SYNE1: variants seen among roughly 807,000 people sequenced by gnomAD.
SYNE1 encodes the protein spectrin repeat containing nuclear envelope protein 1, also known as nesprin-1.
SYNE1 carries 616 observed loss-of-function variants against 1,111.0 expected under a neutral mutation model. That is an observed-to-expected ratio of 0.55 (90% CI 0.52 to 0.59). The LOEUF is 0.59. Among genes scored for constraint, SYNE1 ranks in the 20% least tolerant of loss-of-function variants. The probability of loss-of-function intolerance (pLI) is 0.00; values close to 1 mark genes in which losing one functional copy is unlikely to be tolerated. For missense variants in SYNE1, 10,006 were observed against 10,417.0 expected (o/e 0.96, Z 1.72); for synonymous variants, 3,855 against 3,825.8 (o/e 1.01, Z -0.28).
chr6:152,551,016 C>T (rs1264816465), intron 3 of SYNE1, among the ~76,000 whole-genome samples: 1 of 152,086 alleles, frequency 6.6e-6, no homozygotes, highest in Non-Finnish European at 1.5e-5. Flanking sequence ...GCACTTCAAA[C>T]CTTTTAGTTC....
At chr6:152,469,870 C>T (rs2098795530) in intron 16 of SYNE1, among the ~76,000 whole-genome samples, 1 of 152,110 alleles carries the variant, frequency 6.6e-6, no homozygotes, top group Admixed American at 6.5e-5. Flanking sequence ...GTGAAACCCC[C>T]AGTCTGTAGG....
chr6:152,409,670 T>C lies in SYNE1; in HGVS notation c.6270A>G (p.Glu2090=), dbSNP rs1563797071. 1.2e-6 allele frequency: 2 copies of C among 1,613,892 alleles called. No individual in the cohort carries two copies. The highest frequency in any genetic ancestry group is 8.5e-7 in the Non-Finnish European group (1 of 1,179,968). The change falls in exon 43 of 146, where the codon GAA becomes GAG. Residue 2090 remains glutamate, a synonymous_variant. Coordinates refer to ENST00000367255, the MANE Select transcript of SYNE1 (RefSeq NM_182961.4). ...QCCGLIDLMR[E]YQNLKSAVSK... ...ATACAGCTGATTTCAGGTTCTGATA[T>C]TCTCTCATTAAGTCAATAAGTCCAC...
At position 152,218,024 on chromosome 6, in the gene SYNE1, G is replaced by A. The variant is rs9479268; in HGVS notation, c.22191+233C>T. ...ATCAGTTCAAGACCAGTGAAACCTC[G>A]TCTCTACTAAAAATACAAAAACTAG... On this transcript the variant is annotated intron_variant, in intron 121 of 145. Transcript: ENST00000367255. Among the ~76,000 whole-genome samples, 8,546 of 151,914 alleles carry A rather than the reference G, an allele frequency of 0.056. 818 individuals carry two copies. The highest frequency in any genetic ancestry group is 0.2 in the African/African-American group (8,092 of 41,348).
At chr6:152,213,917 G>C (rs911249729) in intron 122 of SYNE1, among the ~76,000 whole-genome samples, 158 bp from the exon 123 acceptor site, 1 of 152,092 alleles carries the variant, frequency 6.6e-6, no homozygotes, top group African/African-American at 2.4e-5. Flanking sequence ...AAAGAAGAAA[G>C]AGGCCAGTTG....
intron 3 of SYNE1, among the ~76,000 whole-genome samples, chr6:152,551,197 GT>G (rs2099345281): frequency 6.6e-6 from 1 of 152,114 alleles, no homozygotes; most frequent in African/African-American, 2.4e-5. Flanking sequence ...ACTTATTCAT[GT>G]TTTGTATACA....
chr6:152,278,520 T>A (rs748998878), intron 97 of SYNE1, among the ~76,000 whole-genome samples: 1 of 152,170 alleles, frequency 6.6e-6, no homozygotes, highest in Non-Finnish European at 1.5e-5. Context: ...TGGAGTTTAG[T>A]GGAGCGATCT....
chr6:152,592,737 C>T (rs937231240), intron 3 of SYNE1, among the ~76,000 whole-genome samples: 3 of 152,326 alleles, frequency 2.0e-5, no homozygotes, highest in Admixed American at 2.0e-4. Flanking sequence ...CAAAGTCCTT[C>T]ACTTGATAAT....
intron 85 of SYNE1, 97 bp downstream of exon 85, chr6:152,318,765 AG>A: frequency 1.4e-6 from 2 of 1,455,578 alleles, no homozygotes; most frequent in Non-Finnish European, 9.3e-7. Context: ...GTTTTAAAAA[AG>A]GTTCCTAAAA....
chr6:152,252,045 A>T (rs2089470158), intron 104 of SYNE1, among the ~76,000 whole-genome samples: 1 of 152,188 alleles, frequency 6.6e-6, no homozygotes, highest in Non-Finnish European at 1.5e-5. Flanking sequence ...GGAGGCAGGC[A>T]GATGACCTGA....
rs146959750 is a variant in SYNE1, at chr6:152,326,745, G to C, written c.14956-112C>G. On this transcript the variant is annotated intron_variant, in intron 78 of 145. Transcript: ENST00000367255. ...TCCTTAGTCTCATGGGCGTATGTGT[G>C]TAAGTGCATTGATAAGTTAGTGGAA... 3,992 of 972,946 alleles carry C rather than the reference G, an allele frequency of 4.1e-3. 23 individuals carry two copies. Among genetic ancestry groups the C allele is most frequent in the Middle Eastern group, 0.013 (47 of 3,530 alleles). 60.3% of individuals were successfully genotyped at this position (972,946 alleles called of 1,614,324 possible).
In SYNE1 at chr6:152,294,125, G is replaced by A. The variant is rs142236532; in HGVS notation, c.17685C>T (p.Asp5895=). The stretch of plus-strand genomic sequence containing the variant: ...CAGACAAGGCTTGGTAATATGCAAT[G>A]TCCTGTGAGTGCAAAGCACAGTATT... ...VANTDASVNQ[D]IAYYQALSAE... is the part of the protein sequence containing the mutation. The change falls in exon 94 of 146, where the codon GAC becomes GAT. Residue 5895 remains aspartate (D), a splice_region_variant and synonymous_variant. Coordinates refer to ENST00000367255, the MANE Select transcript of SYNE1 (RefSeq NM_182961.4). 1.9e-6 allele frequency: 3 copies of A among 1,613,274 alleles called. No homozygotes were observed. Among genetic ancestry groups the A allele is most frequent in the Non-Finnish European group, 2.5e-6 (3 of 1,179,970 alleles).
intron 4 of SYNE1, among the ~76,000 whole-genome samples, chr6:152,533,229 G>T (rs942377829): frequency 1.3e-5 from 2 of 151,836 alleles, no homozygotes; most frequent in African/African-American, 4.8e-5. Context: ...CTTGGCAAAG[G>T]TGGGAAGGTC....
At chr6:152,224,824 G>A (rs2081075096) in intron 116 of SYNE1, among the ~76,000 whole-genome samples, 160 bp from the exon 117 acceptor site, 1 of 150,644 alleles carries the variant, frequency 6.6e-6, no homozygotes, top group Admixed American at 6.6e-5. Flanking sequence ...AAGGTAAAAT[G>A]TATCAACTTT....
Position 152,315,879 on chromosome 6 carries a change from A to G in SYNE1, c.16710+970T>C, listed in dbSNP as rs116465933. ...GGGAAAAATTAGAAGCTGTTAAAGC[A>G]TTCCAAAAATGGAAAAATGAGGCTT... On this transcript the variant is annotated intron_variant, in intron 87 of 145. Transcript: ENST00000367255. 378 of 152,350 alleles carry G rather than the reference A, an allele frequency of 2.5e-3. 1 individual carries two copies. The highest frequency in any genetic ancestry group is 8.5e-3 in the African/African-American group (354 of 41,590). The allele number at this position is 152,350 out of a possible 1,614,324, so 9.4% of individuals were successfully genotyped here.
At chr6:152,202,425 A>T (rs375999574) in intron 126 of SYNE1, among the ~76,000 whole-genome samples, 1 of 150,776 alleles carries the variant, frequency 6.6e-6, no homozygotes, top group Non-Finnish European at 1.5e-5. Context: ...GTATGCCCAC[A>T]CTCATTGCCA....
intron 59 of SYNE1, among the ~76,000 whole-genome samples, chr6:152,371,507 T>G (rs1174895647): frequency 2.0e-5 from 3 of 146,832 alleles, no homozygotes; most frequent in Non-Finnish European, 4.4e-5. Context: ...ATCGTGAGAA[T>G]GAACTAATAC....
At chr6:152,369,271 G>T in intron 60 of SYNE1, 144 bp from the exon 61 acceptor site, 1 of 1,341,428 alleles carries the variant, frequency 7.5e-7, no homozygotes, top group Non-Finnish European at 1.0e-6. Flanking sequence ...TACACACCGT[G>T]GAGCACAAAT....
chr6:152,360,942 C>G (rs2096921163), intron 64 of SYNE1, among the ~76,000 whole-genome samples: 1 of 152,150 alleles, frequency 6.6e-6, no homozygotes, highest in Admixed American at 6.5e-5. Context: ...TTAAGCATCT[C>G]TATTCACTGA....
rs916683288 is a variant in SYNE1 at position 152,616,287 on chromosome 6, T to A, written c.67+11978A>T. Among the ~76,000 whole-genome samples, 7 of 152,120 alleles carry A rather than the reference T, an allele frequency of 4.6e-5. No homozygotes were observed. The South Asian group carries it at 1.0e-3, about 23-fold the overall frequency. On this transcript the variant is annotated intron_variant, in intron 3 of 145. Transcript: ENST00000367255. ...TTGCCTGACAGTGCTCAGGAGCTAG[T>A]GTTGGGCCGGGCACGGTCACTCACA...
Sources: gnomAD v4.1 joint callset for allele counts (sites outside exome capture counted in the v4.1 genomes callset) on GRCh38, gnomAD v4.1.1 for gene constraint, MANE v1.5 for transcripts, NCBI Gene and HGNC (gene_info 2026-07-23, HGNC 2026-07-21) for gene names.